The following ERG variants were observed in gnomAD, a reference collection of about 807,000 sequenced individuals.
ERG encodes the protein transcriptional regulator ERG.
A neutral mutation model predicts 55.3 loss-of-function variants in ERG; 9 were observed. The ratio of observed to expected loss-of-function variants is 0.16; its 90% CI spans 0.10 to 0.28. The LOEUF is 0.28. Ranked by LOEUF, ERG falls within the 10% of genes least tolerant of loss-of-function variation. ERG has a pLI of 1.00. For synonymous variants in ERG, 223 were observed against 237.3 expected, an observed-to-expected ratio of 0.94 and a Z score of 0.55; for missense variants, 434 against 631.6, an observed-to-expected ratio of 0.69 and a Z score of 3.35.
intron 9 of ERG, among the ~76,000 whole-genome samples, chr21:38,388,280 G>A (rs978850720): frequency 1.3e-5 from 2 of 152,190 alleles, no homozygotes; most frequent in Non-Finnish European, 2.9e-5. Context: ...GCTTATAACC[G>A]ATCCATGATA....
intron 2 of ERG, among the ~76,000 whole-genome samples, chr21:38,558,838 G>A (rs1412368253): frequency 6.6e-6 from 1 of 152,094 alleles, no homozygotes. Context: ...AGTCATAAAG[G>A]CAATATTTGT....
At chr21:38,374,861 G>C in the ERG span, among the ~76,000 whole-genome samples, 2 of 152,128 alleles carry the variant, frequency 1.3e-5, no homozygotes, top group South Asian at 4.1e-4. Context: ...GTTTTGTTTT[G>C]TTTTGTTTCC....
downstream of ERG, among the ~76,000 whole-genome samples, chr21:38,379,582 A>T (rs1014553186): frequency 6.6e-6 from 1 of 152,222 alleles, no homozygotes; most frequent in Non-Finnish European, 1.5e-5. Flanking sequence ...CACTAATTAT[A>T]ATCAGGTAAT....
rs182941419 is a variant in ERG at position 38,541,312 on chromosome 21, C to T, written c.-41+34350G>A. Among the ~76,000 whole-genome samples the T allele has an allele frequency of 2.1e-3, 326 of 152,204 alleles. 1 individual carries two copies. The highest frequency in any genetic ancestry group is 5.4e-3 in the African/African-American group (224 of 41,530). On this transcript the variant is annotated intron_variant, in intron 2 of 8. Coordinates refer to the ERG transcript ENST00000398897. The stretch of plus-strand genomic sequence containing the variant: ...AACTACAATTACCTGAGCAAAAATC[C>T]CCTCAATTATCTTGGTAATCCAGAT...
chr21:38,375,997 G>A (rs1987232360), downstream of ERG, among the ~76,000 whole-genome samples: 1 of 152,136 alleles, frequency 6.6e-6, no homozygotes, highest in Admixed American at 6.5e-5. Flanking sequence ...TCATTTGTTT[G>A]TTTGCTCATC....
intron 1 of ERG, among the ~76,000 whole-genome samples, chr21:38,639,045 C>T (rs2060407607): frequency 6.6e-6 from 1 of 152,132 alleles, no homozygotes; most frequent in Non-Finnish European, 1.5e-5. Context: ...ACCCTCATTC[C>T]ACCACCCTTT....
the ERG span, among the ~76,000 whole-genome samples, chr21:38,370,519 C>G: frequency 6.6e-6 from 1 of 151,988 alleles, no homozygotes; most frequent in Non-Finnish European, 1.5e-5. Flanking sequence ...GTCATATTCT[C>G]CTGTAATACC....
chr21:38,515,564 T>C (rs1337958091), intron 2 of ERG, among the ~76,000 whole-genome samples: 1 of 151,988 alleles, frequency 6.6e-6, no homozygotes, highest in Non-Finnish European at 1.5e-5. Flanking sequence ...TCTTCCTAAT[T>C]CATTCTATGA....
chr21:38,614,245 T>G (rs1227285876), intron 1 of ERG, among the ~76,000 whole-genome samples: 1 of 152,236 alleles, frequency 6.6e-6, no homozygotes, highest in Non-Finnish European at 1.5e-5. Context: ...TGTCAAAGTA[T>G]GGGAGAACGT....
At chr21:38,373,283 G>A in the ERG span, among the ~76,000 whole-genome samples, 926 of 152,224 alleles carry the variant, frequency 6.1e-3, 7 homozygotes, top group South Asian at 0.021. Context: ...CATCTCTCTC[G>A]TTTTGCTACT....
intron 1 of ERG, among the ~76,000 whole-genome samples, chr21:38,457,202 G>A (rs985978824): frequency 5.3e-4 from 81 of 152,206 alleles, no homozygotes; most frequent in African/African-American, 1.9e-3. Context: ...TTTGGGAGGT[G>A]GAGGCAGGCA....
upstream of ERG, among the ~76,000 whole-genome samples, chr21:38,588,307 G>T (rs1362694115): frequency 7.3e-6 from 1 of 137,236 alleles, no homozygotes; most frequent in Admixed American, 7.3e-5. Flanking sequence ...ATGACCTGAA[G>T]AGACACCCCC....
chr21:38,421,227 T>C (rs1989528142), intron 3 of ERG, among the ~76,000 whole-genome samples: 1 of 152,210 alleles, frequency 6.6e-6, no homozygotes, highest in Non-Finnish European at 1.5e-5. Context: ...GCATGGCCTC[T>C]GTACCTGTCA....
intron 2 of ERG, among the ~76,000 whole-genome samples, chr21:38,507,087 C>T (rs1310173201): frequency 2.0e-5 from 3 of 152,092 alleles, no homozygotes; most frequent in Non-Finnish European, 4.4e-5. Flanking sequence ...AAGACGCTGG[C>T]TCGACAAAAA....
rs532042846 is a variant in ERG at position 38,567,106 on chromosome 21, A to G, written c.-41+8556T>C. 8.7e-4 allele frequency among the ~76,000 whole-genome samples: 132 copies of G among 152,234 alleles called. 1 individual carries two copies. Among genetic ancestry groups the G allele is most frequent in the Admixed American group, 3.5e-3 (53 of 15,290 alleles). ...GGATTGTGCAGCATGTCTGGGGAAC[A>G]CTTCACTACTTCACTAAACCCTGCT... On this transcript the variant is annotated intron_variant, in intron 2 of 8. Transcript: ENST00000398897.
chr21:38,459,242 C>G (rs995939304), intron 1 of ERG, among the ~76,000 whole-genome samples: 1 of 152,176 alleles, frequency 6.6e-6, no homozygotes, highest in African/African-American at 2.4e-5. Flanking sequence ...CAGGTGCATG[C>G]TTAATAACTT....
chr21:38,426,592 C>T (rs989506017), intron 2 of ERG, among the ~76,000 whole-genome samples: 34 of 152,080 alleles, frequency 2.2e-4, no homozygotes, highest in South Asian at 2.1e-4. Flanking sequence ...TCTCCAACAA[C>T]GCAGTTAACA....
intron 2 of ERG, among the ~76,000 whole-genome samples, chr21:38,437,681 C>T (rs1251557481): frequency 6.6e-6 from 1 of 152,166 alleles, no homozygotes; most frequent in Admixed American, 6.5e-5. Context: ...GGTACATTCC[C>T]CAAGCCTTGG....
intron 1 of ERG, among the ~76,000 whole-genome samples, chr21:38,479,065 T>A (rs1052830703): frequency 1.3e-5 from 2 of 152,210 alleles, no homozygotes; most frequent in Non-Finnish European, 2.9e-5. Context: ...GAAACTGAAA[T>A]GGTTGCAGAG....
Sources: gnomAD v4.1 joint callset for allele counts (sites outside exome capture counted in the v4.1 genomes callset) on GRCh38, gnomAD v4.1.1 for gene constraint, MANE v1.5 for transcripts, NCBI Gene and HGNC (gene_info 2026-07-23, HGNC 2026-07-21) for gene names.